Variants in ATG101 observed in about 807,000 individuals in gnomAD.
ATG101 encodes autophagy-related protein 101.
ATG101 carries 6 observed loss-of-function variants against 16.7 expected under a neutral mutation model. That is an observed-to-expected ratio of 0.36 (90% CI 0.20 to 0.71). ATG101 has a LOEUF of 0.71. Among genes scored for constraint, ATG101 ranks in the 30% least tolerant of loss-of-function variants. The pLI is 0.57. For synonymous variants in ATG101, 108 were observed against 118.1 expected (o/e 0.91, Z 0.56); for missense variants, 200 against 292.5 (o/e 0.68, Z 2.31).
upstream of ATG101, among the ~76,000 whole-genome samples, chr12:52,068,985 C>A (rs1229227266): frequency 2.9e-5 from 2 of 69,398 alleles, no homozygotes; most frequent in Non-Finnish European, 4.9e-5. Flanking sequence ...AGCGAGACGC[C>A]GTCTCAAAAA....
upstream of ATG101, among the ~76,000 whole-genome samples, chr12:52,065,870 A>G (rs1368479803): frequency 6.6e-6 from 1 of 152,130 alleles, no homozygotes; most frequent in Non-Finnish European, 1.5e-5. Context: ...CGGCAGAAAG[A>G]GAGGGATTGA....
chr12:52,076,678 G>C, intron 3 of ATG101, 108 bp from the exon 4 acceptor site: 1 of 1,310,422 alleles, frequency 7.6e-7, no homozygotes, highest in Non-Finnish European at 1.0e-6. Context: ...GCCATGCTTG[G>C]ATGATGACTA....
chr12:52,073,972 C>T (rs2120621593), intron 3 of ATG101, 70 bp downstream of exon 3: 1 of 1,575,924 alleles, frequency 6.3e-7, no homozygotes, highest in Middle Eastern at 1.7e-4. Flanking sequence ...GAGTGCTCCT[C>T]CACTCCAGCT....
At chr12:52,069,022 A>AAAAAAAAC (rs1939592238), upstream of ATG101, among the ~76,000 whole-genome samples, 1 of 140,648 alleles carries the variant, frequency 7.1e-6, no homozygotes, top group African/African-American at 2.8e-5. Context: ...AAAAAAAAAA[A>AAAAAAAAC]TACTGCCTCC....
chr12:52,066,138 A>G (rs1939547856), upstream of ATG101, among the ~76,000 whole-genome samples: 1 of 152,134 alleles, frequency 6.6e-6, no homozygotes, highest in Non-Finnish European at 1.5e-5. Context: ...TGGCCCCCCA[A>G]AGTGTTGGGA....
Position 52,072,158 on chromosome 12 carries a change from G to A in ATG101, c.-76-1417G>A, listed in dbSNP as rs141135978. 1.7e-3 allele frequency among the ~76,000 whole-genome samples: 256 copies of A among 152,320 alleles called. 2 individuals are homozygous for A. The highest frequency in any genetic ancestry group is 5.9e-3 in the African/African-American group (244 of 41,572). ...TGTTTTATACATGCTAGCTCATTCA[G>A]CCCTCAACCCTTTCAAGGTAGCCAT... is the stretch of plus-strand genomic sequence containing the variant. On this transcript the variant is annotated intron_variant, in intron 2 of 3. Transcript: ENST00000336854.
chr12:52,068,210 C>CT (rs527347370), upstream of ATG101, among the ~76,000 whole-genome samples: 4,459 of 134,616 alleles, frequency 0.033, 79 homozygotes, highest in South Asian at 0.079. Context: ...CCACACCTGG[C>CT]TTTTTTTTTT....
upstream of ATG101, among the ~76,000 whole-genome samples, chr12:52,068,049 C>CTTT (rs761821131): frequency 1.4e-5 from 2 of 138,454 alleles, no homozygotes; most frequent in South Asian, 2.3e-4. Context: ...GAAAAATCAG[C>CTTT]TTTTTTTTTT....
intron 3 of ATG101, 75 bp downstream of exon 3, chr12:52,073,977 C>G (rs1939692764): frequency 4.2e-5 from 66 of 1,568,192 alleles, no homozygotes; most frequent in Non-Finnish European, 5.4e-5. Context: ...CTCCTCCACT[C>G]CAGCTTGGTG....
upstream of ATG101, among the ~76,000 whole-genome samples, chr12:52,065,758 G>T (rs1305752877): frequency 6.6e-6 from 1 of 152,196 alleles, no homozygotes; most frequent in Non-Finnish European, 1.5e-5. Context: ...GCAGCTGCAT[G>T]GCCTTGGACG....
chr12:52,068,990 C>CAAAAAAAAAAAAAAAA (rs869030833), upstream of ATG101, among the ~76,000 whole-genome samples: 1 of 33,518 alleles, frequency 3.0e-5, no homozygotes. Flanking sequence ...GACGCCGTCT[C>CAAAAAAAAAAAAAAAA]AAAAAAAAAA....
chr12:52,077,213 T>C lies in ATG101; in HGVS notation c.*23T>C, dbSNP rs1396283647. ...TGAGCGTCGCTGGATCTCTGGGAGCTCCTTGATGGCTCCCAGACCTTGGCT... is the reference window on the plus strand; with the variant it reads ...TGAGCGTCGCTGGATCTCTGGGAGCCCCTTGATGGCTCCCAGACCTTGGCT... On this transcript the variant is annotated 3_prime_UTR_variant, in exon 4 of 4. Coordinates refer to ENST00000336854, the MANE Select transcript of ATG101 (RefSeq NM_021934.5). 3 of 1,605,170 alleles carry C rather than the reference T, an allele frequency of 1.9e-6. No individual in the cohort carries two copies. The highest frequency in any genetic ancestry group is 2.6e-6 in the Non-Finnish European group (3 of 1,173,602).
chr12:52,068,303 C>G (rs1158434043), upstream of ATG101, among the ~76,000 whole-genome samples: 1 of 151,672 alleles, frequency 6.6e-6, no homozygotes, highest in Non-Finnish European at 1.5e-5. Context: ...ATCCATCAGC[C>G]TCGACCTCCC....
chr12:52,073,062 C>T (rs1382283818), intron 2 of ATG101, among the ~76,000 whole-genome samples: 3 of 152,164 alleles, frequency 2.0e-5, no homozygotes, highest in East Asian at 1.9e-4. Context: ...CCACCACACC[C>T]GGCCTAGAGG....
At chr12:52,073,981 C>G (rs916104120) in intron 3 of ATG101, 79 bp downstream of exon 3, 9 of 1,560,388 alleles carry the variant, frequency 5.8e-6, no homozygotes, top group Non-Finnish European at 7.0e-6. Context: ...TCCACTCCAG[C>G]TTGGTGTTGA....
At chr12:52,075,402 A>G (rs1006096320) in intron 3 of ATG101, among the ~76,000 whole-genome samples, 5 of 152,218 alleles carry the variant, frequency 3.3e-5, no homozygotes, top group Non-Finnish European at 7.3e-5. Flanking sequence ...TCAAAATTGC[A>G]ATAATAATCT....
rs370211431 is a variant in ATG101, at chr12:52,077,418, G to T, written c.*228G>T. The T allele has an allele frequency of 1.4e-5, 8 of 578,762 alleles. No homozygotes were observed. In the African/African-American group the frequency reaches 1.5e-4, roughly 11 times the overall value. The allele number at this position is 578,762 out of a possible 1,614,324, so 35.9% of individuals were successfully genotyped here. On this transcript the variant is annotated 3_prime_UTR_variant, in exon 4 of 4. Coordinates refer to ENST00000336854, the MANE Select transcript of ATG101 (RefSeq NM_021934.5). ...ACTGTCTCTCCATAGCCCTGGTGGG[G>T]TCCCCCTTCTTTCTCCACTGTACAG...
chr12:52,073,231 G>A lies in ATG101; in HGVS notation c.-76-344G>A, dbSNP rs555274756. ...CTTACTCCCACCCTGTACTCTCTCC[G>A]TGGTGATAATGTTTAGTTGCGTGCT... On this transcript the variant is annotated intron_variant, in intron 2 of 3. Transcript: ENST00000336854. Among the ~76,000 whole-genome samples, 15 of 152,324 alleles carry A rather than the reference G, an allele frequency of 9.8e-5. No individual in the cohort carries two copies. The East Asian group carries it at 1.9e-3, about 20-fold the overall frequency.
At chr12:52,073,324 G>A (rs1371514056) in intron 2 of ATG101, among the ~76,000 whole-genome samples, 1 of 152,244 alleles carries the variant, frequency 6.6e-6, no homozygotes, top group Non-Finnish European at 1.5e-5. Flanking sequence ...CCTGACAAAT[G>A]TTGCACAGTG....
Sources: allele counts gnomAD v4.1 joint callset (sites outside exome capture counted in the v4.1 genomes callset), GRCh38; gene constraint gnomAD v4.1.1; transcripts MANE v1.5; gene names NCBI Gene and HGNC (gene_info 2026-07-23, HGNC 2026-07-21).